SLC44A5: variants seen among roughly 807,000 people sequenced by gnomAD.
SLC44A5 encodes solute carrier family 44 member 5, also known as choline transporter-like protein 5.
SLC44A5 carries 57 observed loss-of-function variants against 101.8 expected under a neutral mutation model. That is an observed-to-expected ratio of 0.56 (90% confidence interval 0.45 to 0.70). The LOEUF is 0.70. Among genes scored for constraint, SLC44A5 ranks in the 30% least tolerant of loss-of-function variants. SLC44A5 has a pLI of 0.00. For synonymous variants in SLC44A5, 281 were observed against 290.9 expected (o/e 0.97, Z 0.35); for missense variants, 737 against 853.1 (o/e 0.86, Z 1.70).
At chr1:75,608,008 C>T (rs1172528744) in intron 1 of SLC44A5, among the ~76,000 whole-genome samples, 2 of 151,972 alleles carry the variant, frequency 1.3e-5, no homozygotes, top group Admixed American at 6.6e-5. Context: ...ACTTCTCCCA[C>T]TCCCCCAGCC....
At chr1:75,446,638 G>C (rs1336038919) in intron 2 of SLC44A5, among the ~76,000 whole-genome samples, 1 of 140,932 alleles carries the variant, frequency 7.1e-6, no homozygotes, top group Non-Finnish European at 1.5e-5. Context: ...ACTGTGAATA[G>C]TGCCTGGCTA....
chr1:75,414,411 T>C (rs1230636108), intron 2 of SLC44A5, among the ~76,000 whole-genome samples: 2 of 151,958 alleles, frequency 1.3e-5, no homozygotes, highest in Non-Finnish European at 2.9e-5. Context: ...TTTCAAAGAT[T>C]CTTTTAATCC....
In SLC44A5 at chr1:75,212,999, G is replaced by T. The variant is rs563929074; in HGVS notation, c.1962+706C>A. 1.1e-3 allele frequency among the ~76,000 whole-genome samples: 174 copies of T among 152,250 alleles called. 1 individual carries two copies. Among genetic ancestry groups the T allele is most frequent in the Non-Finnish European group, 9.6e-4 (65 of 68,032 alleles). ...CACCCAAAGTTATACCCTCGTGCAG[G>T]GGTCAGTTCATGACCAAAAACTGCC... On this transcript the variant is annotated intron_variant, in intron 22 of 23. Transcript: ENST00000370859.
chr1:75,383,799 C>T (rs1570075512), intron 3 of SLC44A5, among the ~76,000 whole-genome samples: 1 of 151,912 alleles, frequency 6.6e-6, no homozygotes, highest in Admixed American at 6.6e-5. Flanking sequence ...TTAAGGGCAG[C>T]CAGAGAGAAA....
At chr1:75,295,660 A>C (rs1653906742) in intron 5 of SLC44A5, among the ~76,000 whole-genome samples, 1 of 152,198 alleles carries the variant, frequency 6.6e-6, no homozygotes, top group African/African-American at 2.4e-5. Flanking sequence ...CAATGTTTGA[A>C]TATTGGTGAA....
chr1:75,427,880 T>G (rs1664401401), intron 2 of SLC44A5, among the ~76,000 whole-genome samples: 2 of 152,044 alleles, frequency 1.3e-5, no homozygotes, highest in African/African-American at 4.8e-5. Flanking sequence ...TGTGTATGAT[T>G]AGTCAAATAA....
intron 1 of SLC44A5, among the ~76,000 whole-genome samples, chr1:75,604,909 G>T (rs931161315): frequency 6.6e-6 from 1 of 151,956 alleles, no homozygotes; most frequent in East Asian, 1.9e-4. Flanking sequence ...AGTTCCAAAA[G>T]TCTTTGGCAG....
At chr1:75,429,903 C>T (rs1664515458) in intron 2 of SLC44A5, among the ~76,000 whole-genome samples, 1 of 152,138 alleles carries the variant, frequency 6.6e-6, no homozygotes, top group Admixed American at 6.5e-5. Context: ...GACAAACATC[C>T]AAACCATATC....
chr1:75,421,094 A>T (rs867583873), intron 2 of SLC44A5, among the ~76,000 whole-genome samples: 6 of 152,156 alleles, frequency 3.9e-5, no homozygotes, highest in South Asian at 2.1e-4. Context: ...AATATATTAT[A>T]ATATGGTCCA....
At chr1:75,610,868 A>G (rs995104624) in intron 1 of SLC44A5, among the ~76,000 whole-genome samples, 172 bp downstream of exon 1, 1 of 152,030 alleles carries the variant, frequency 6.6e-6, no homozygotes, top group Non-Finnish European at 1.5e-5. Context: ...ATATATACAC[A>G]CACACACACG....
At chr1:75,450,530 A>G (rs953006996) in intron 2 of SLC44A5, among the ~76,000 whole-genome samples, 2 of 152,208 alleles carry the variant, frequency 1.3e-5, no homozygotes, top group African/African-American at 4.8e-5. Context: ...ACACCTCAGT[A>G]GTAGGTGCTG....
intron 5 of SLC44A5, among the ~76,000 whole-genome samples, chr1:75,288,695 T>C (rs1330184302): frequency 6.6e-6 from 1 of 152,198 alleles, no homozygotes; most frequent in Non-Finnish European, 1.5e-5. Context: ...CAAGTTGTTG[T>C]CTCTATGCTA....
chr1:75,649,254 G>C, the SLC44A5 span, among the ~76,000 whole-genome samples: 1 of 152,256 alleles, frequency 6.6e-6, no homozygotes, highest in Non-Finnish European at 1.5e-5. Context: ...AGGCAACATG[G>C]CCTTTTGAAA....
At chr1:75,355,307 C>T (rs1294228194) in intron 3 of SLC44A5, among the ~76,000 whole-genome samples, 1 of 152,044 alleles carries the variant, frequency 6.6e-6, no homozygotes, top group Non-Finnish European at 1.5e-5. Flanking sequence ...GTAGAAAGAG[C>T]TAATCAAGAT....
chr1:75,571,642 T>C (rs1673080041), intron 1 of SLC44A5, among the ~76,000 whole-genome samples: 2 of 152,204 alleles, frequency 1.3e-5, no homozygotes, highest in Admixed American at 6.6e-5. Flanking sequence ...AATGTAAGTG[T>C]TCTGAGCACC....
intron 3 of SLC44A5, among the ~76,000 whole-genome samples, chr1:75,365,838 A>G (rs1443654346): frequency 6.6e-6 from 1 of 152,160 alleles, no homozygotes; most frequent in African/African-American, 2.4e-5. Context: ...AGGGGGGTTA[A>G]ATGTATATCT....
intron 3 of SLC44A5, among the ~76,000 whole-genome samples, chr1:75,356,010 C>G (rs1249834): frequency 0.94 from 143,447 of 151,868 alleles, 68,313 homozygotes; most frequent in East Asian, 1. Context: ...TCAGGAGTTT[C>G]AGACCAGCCT....
At chr1:75,287,372 A>T (rs1270965516) in intron 5 of SLC44A5, among the ~76,000 whole-genome samples, 1 of 110,450 alleles carries the variant, frequency 9.1e-6, no homozygotes, top group South Asian at 2.9e-4. Context: ...GTAAGTTGGT[A>T]TTCACCTTTC....
intron 4 of SLC44A5, among the ~76,000 whole-genome samples, chr1:75,320,033 T>C (rs945795): frequency 0.11 from 16,208 of 152,130 alleles, 2,856 homozygotes; most frequent in African/African-American, 0.37. Flanking sequence ...CTTACAGACC[T>C]TCCTAGCCTA....
Sources: allele counts gnomAD v4.1 joint callset (sites outside exome capture counted in the v4.1 genomes callset), GRCh38; gene constraint gnomAD v4.1.1; transcripts MANE v1.5; gene names NCBI Gene and HGNC (gene_info 2026-07-23, HGNC 2026-07-21).